CORO2B: variants seen among roughly 807,000 people sequenced by gnomAD.
CORO2B encodes coronin 2B, also known as coronin-2B.
A neutral mutation model predicts 58.8 loss-of-function variants in CORO2B; 26 were observed. The ratio of observed to expected loss-of-function variants is 0.44; its 90% confidence interval spans 0.32 to 0.61. The LOEUF (loss-of-function observed/expected upper bound fraction) is 0.61. Among genes scored for constraint, CORO2B ranks in the 20% least tolerant of loss-of-function variants. The pLI is 0.04. For synonymous variants in CORO2B, 242 were observed against 253.8 expected, an observed-to-expected ratio of 0.95 and a Z score of 0.44; for missense variants, 460 against 645.1, an observed-to-expected ratio of 0.71 and a Z score of 3.11.
intron 1 of CORO2B, among the ~76,000 whole-genome samples, chr15:68,642,596 A>C (rs917782583): frequency 6.6e-6 from 1 of 152,146 alleles, no homozygotes; most frequent in African/African-American, 2.4e-5. Flanking sequence ...CATGGCCTCC[A>C]CGACTCACCT....
intron 2 of CORO2B, among the ~76,000 whole-genome samples, chr15:68,686,875 C>A (rs1596014307): frequency 6.7e-6 from 1 of 149,374 alleles, no homozygotes; most frequent in African/African-American, 2.5e-5. Context: ...CCCCAGCCTG[C>A]GCAACAAGAG....
At chr15:68,634,590 C>T (rs1008554919) in intron 1 of CORO2B, among the ~76,000 whole-genome samples, 4 of 152,168 alleles carry the variant, frequency 2.6e-5, no homozygotes, top group African/African-American at 9.7e-5. Context: ...CACTCAGGGA[C>T]CAAAGTCTGG....
At chr15:68,684,001 A>C (rs1411053145) in intron 2 of CORO2B, among the ~76,000 whole-genome samples, 3 of 103,612 alleles carry the variant, frequency 2.9e-5, no homozygotes, top group Non-Finnish European at 5.1e-5. Context: ...CCCATTGAAG[A>C]TTTTGGAGCT....
At chr15:68,612,691 C>T (rs1900271513) in intron 1 of CORO2B, among the ~76,000 whole-genome samples, 1 of 152,250 alleles carries the variant, frequency 6.6e-6, no homozygotes. Flanking sequence ...TGCTCTCTAA[C>T]TGACCATGAG....
intron 1 of CORO2B, among the ~76,000 whole-genome samples, chr15:68,585,629 C>T (rs1899533886): frequency 6.6e-6 from 1 of 152,164 alleles, no homozygotes; most frequent in Non-Finnish European, 1.5e-5. Context: ...TCGTACTCTG[C>T]TTCCACTCCC....
intron 1 of CORO2B, among the ~76,000 whole-genome samples, chr15:68,587,049 TACACACACACACACACACACAC>T (rs58729813): frequency 1.6e-4 from 9 of 57,888 alleles, no homozygotes; most frequent in African/African-American, 4.1e-4. Context: ...GAGATATGTA[TACACACACACACACACACACAC>T]ACACACACAC....
rs149933377 is a variant in CORO2B at position 68,682,068 on chromosome 15, A to G, written c.217-13072A>G. On this transcript the variant is annotated intron_variant, in intron 2 of 11. Transcript: ENST00000261861. ...GTCCCATGCCCCGTCCCTGGATAGC[A>G]GAGGACCCTGGGTAGGAGGAACCCC... 9.8e-3 allele frequency among the ~76,000 whole-genome samples: 1,490 copies of G among 152,186 alleles called. 9 individuals are homozygous for G. The highest frequency in any genetic ancestry group is 0.017 in the Middle Eastern group (5 of 292).
intron 1 of CORO2B, among the ~76,000 whole-genome samples, chr15:68,592,581 AAAAT>A (rs1227323640): frequency 1.5e-4 from 23 of 152,238 alleles, no homozygotes; most frequent in Non-Finnish European, 2.9e-5. Flanking sequence ...ATCTCAATTA[AAAAT>A]AAATAAATGA....
At chr15:68,724,207 C>G (rs1434013288) in intron 11 of CORO2B, among the ~76,000 whole-genome samples, 1 of 152,020 alleles carries the variant, frequency 6.6e-6, no homozygotes, top group Admixed American at 6.6e-5. Context: ...GTCTCAAAAA[C>G]AAACAAATAA....
chr15:68,579,793 A>G (rs1366042591), intron 1 of CORO2B, among the ~76,000 whole-genome samples: 1 of 152,326 alleles, frequency 6.6e-6, no homozygotes, highest in African/African-American at 2.4e-5. Flanking sequence ...GGCGCTGCCC[A>G]GTCCCGGGAG....
upstream of CORO2B, among the ~76,000 whole-genome samples, chr15:68,577,359 C>G (rs2140548722): frequency 6.6e-6 from 1 of 152,284 alleles, no homozygotes; most frequent in Non-Finnish European, 1.5e-5. Context: ...AATCCGTTTA[C>G]TCATCAGCAA....
intron 1 of CORO2B, among the ~76,000 whole-genome samples, chr15:68,594,765 G>A (rs1899786183): frequency 6.6e-6 from 1 of 152,200 alleles, no homozygotes; most frequent in Non-Finnish European, 1.5e-5. Context: ...AGAAGGAAGT[G>A]GGGTGGGATT....
intron 1 of CORO2B, among the ~76,000 whole-genome samples, chr15:68,606,019 C>T (rs143467968): frequency 2.0e-5 from 3 of 152,036 alleles, no homozygotes; most frequent in African/African-American, 7.2e-5. Context: ...CCACAGCGCC[C>T]GGCCGGCTCT....
chr15:68,638,184 C>G (rs1167370433), intron 1 of CORO2B, among the ~76,000 whole-genome samples: 1 of 152,286 alleles, frequency 6.6e-6, no homozygotes, highest in East Asian at 1.9e-4. Flanking sequence ...GAACCTCTCC[C>G]TCCCTCCTCC....
intron 1 of CORO2B, among the ~76,000 whole-genome samples, chr15:68,580,282 A>G (rs1235588845): frequency 1.3e-5 from 2 of 152,168 alleles, no homozygotes; most frequent in African/African-American, 2.4e-5. Flanking sequence ...CGTCCATTCA[A>G]GGGCCAGACT....
At chr15:68,592,695 C>CA (rs1899736144) in intron 1 of CORO2B, among the ~76,000 whole-genome samples, 1 of 152,158 alleles carries the variant, frequency 6.6e-6, no homozygotes, top group Non-Finnish European at 1.5e-5. Context: ...CCAGCCAGCC[C>CA]AGGCATACAG....
At chr15:68,551,889 C>T in the CORO2B span, among the ~76,000 whole-genome samples, 3 of 152,090 alleles carry the variant, frequency 2.0e-5, no homozygotes, top group Admixed American at 1.3e-4. Context: ...GGAAGTGAGG[C>T]CCAGAACCGA....
intron 2 of CORO2B, among the ~76,000 whole-genome samples, chr15:68,669,200 A>G (rs1159542957): frequency 1.3e-5 from 2 of 152,218 alleles, no homozygotes; most frequent in South Asian, 2.1e-4. Flanking sequence ...GCAAGCAAGC[A>G]AGCAAGCAAG....
At chr15:68,593,113 C>T (rs8030994) in intron 1 of CORO2B, among the ~76,000 whole-genome samples, 70 of 152,264 alleles carry the variant, frequency 4.6e-4, no homozygotes, top group African/African-American at 1.6e-3. Context: ...TCATCAGGAG[C>T]CCACTCCCAG....
Sources: allele counts gnomAD v4.1 joint callset (sites outside exome capture counted in the v4.1 genomes callset), GRCh38; gene constraint gnomAD v4.1.1; transcripts MANE v1.5; gene names NCBI Gene and HGNC (gene_info 2026-07-23, HGNC 2026-07-21).